CHM: variants seen among roughly 807,000 people sequenced by gnomAD.
The protein encoded by CHM is CHM Rab escort protein.
In CHM, 10 loss-of-function variants were observed where a neutral mutation model predicts 49.0. The ratio of observed to expected loss-of-function variants is 0.20; its 90% CI spans 0.13 to 0.35. CHM has a LOEUF of 0.35. Ranked by LOEUF, CHM falls within the 10% of genes least tolerant of loss-of-function variation. The pLI is 1.00. For missense variants in CHM, 455 were observed against 478.4 expected (o/e 0.95, Z 0.46); for synonymous variants, 184 against 167.5 (o/e 1.10, Z -0.76).
chrX:85,970,953 G>C, intron 4 of CHM: 1 of 714,808 alleles, frequency 1.4e-6, no homozygotes, highest in Non-Finnish European at 1.7e-6. Flanking sequence ...AGCCTGTTTT[G>C]CAATACCCAA....
At chrX:86,022,660 C>T (rs763531552) in intron 2 of CHM, among the ~76,000 whole-genome samples, 1 of 111,071 alleles carries the variant, frequency 9.0e-6, no homozygotes, top group South Asian at 3.8e-4. Context: ...TTTTAACAGC[C>T]ATTTATTCAC....
At chrX:85,930,563 G>A (rs1928367548) in intron 8 of CHM, among the ~76,000 whole-genome samples, 1 of 112,068 alleles carries the variant, frequency 8.9e-6, no homozygotes, top group African/African-American at 3.2e-5. Flanking sequence ...CTTGCAAAAA[G>A]TAGCATATAA....
chrX:85,863,459 C>T lies in CHM; in HGVS notation c.*1171G>A, dbSNP rs1465145647. The T allele has an allele frequency of 4.5e-5, 5 of 111,338 alleles. No homozygotes were observed. Among genetic ancestry groups the T allele is most frequent in the Non-Finnish European group, 9.4e-5 (5 of 53,081 alleles). The allele number at this position is 111,338 out of a possible 1,213,427, so 9.2% of individuals were successfully genotyped here. A position where few individuals can be genotyped will look rare whatever the true frequency, so the allele number is the denominator to read the frequency against. On this transcript the variant is annotated 3_prime_UTR_variant, in exon 15 of 15. Transcript: ENST00000357749. ...TCCTTGGTGGTTGCAGGTTTACCTA[C>T]CAGAAAAGGAATAAAACAATTTATA...
rs184164318 is a variant in CHM, at chrX:85,938,231, A to G, written c.1166+17922T>C. 5.4e-5 allele frequency among the ~76,000 whole-genome samples: 6 copies of G among 112,132 alleles called. No individual in the cohort carries two copies. In the East Asian group the frequency reaches 1.7e-3, roughly 32 times the overall value. On this transcript the variant is annotated intron_variant, in intron 8 of 14. Coordinates refer to ENST00000357749, the MANE Select transcript of CHM (RefSeq NM_000390.4). The stretch of plus-strand genomic sequence containing the variant: ...TCACCACCCCCTTCTGTTTATCCCA[A>G]GAAACACTCTTTCCTCAAGGGAAAA...
At position 85,900,740 on chromosome X, in the gene CHM, T is replaced by A. The variant is rs759711257; in HGVS notation, c.1350-31A>T. ...ATGCACAAAACAGTGAAGCAGTAAT[T>A]CTGATTCCATGGATAAGTTTCGTTT... On this transcript the variant is annotated intron_variant, in intron 10 of 14. Coordinates refer to ENST00000357749, the MANE Select transcript of CHM (RefSeq NM_000390.4). 3.9e-6 allele frequency: 4 copies of A among 1,030,126 alleles called. No individual in the cohort carries two copies. In the African/African-American group the frequency reaches 7.5e-5, roughly 19 times the overall value. 84.9% of individuals were successfully genotyped at this position (1,030,126 alleles called of 1,213,427 possible).
intron 12 of CHM, among the ~76,000 whole-genome samples, chrX:85,893,142 T>C (rs1319322010): frequency 1.8e-5 from 2 of 111,705 alleles, no homozygotes; most frequent in Non-Finnish European, 3.8e-5. Flanking sequence ...TAATAAATAG[T>C]CTTGTTCCAT....
intron 12 of CHM, among the ~76,000 whole-genome samples, chrX:85,886,848 A>G (rs1390068710): frequency 9.2e-6 from 1 of 109,245 alleles, no homozygotes; most frequent in Admixed American, 1.0e-4. Flanking sequence ...AGCTTTAATA[A>G]GAACAAGTGA....
intron 2 of CHM, among the ~76,000 whole-genome samples, chrX:85,986,960 G>GA (rs1003391667): frequency 0.046 from 4,655 of 100,992 alleles, 233 homozygotes; most frequent in African/African-American, 0.13. Context: ...GAAACAGCTG[G>GA]AAAAAAAAAA....
intron 2 of CHM, among the ~76,000 whole-genome samples, chrX:85,999,690 C>T (rs1310023339): frequency 3.6e-5 from 4 of 111,927 alleles, no homozygotes; most frequent in African/African-American, 9.7e-5. Flanking sequence ...TTAAATTTCA[C>T]GTGTCCGCAG....
intron 2 of CHM, among the ~76,000 whole-genome samples, chrX:85,982,253 T>TCCA (rs368608174): frequency 2.4e-4 from 25 of 102,797 alleles, no homozygotes; most frequent in African/African-American, 8.6e-4. Flanking sequence ...CTCCGCCACC[T>TCCA]CCACCACCAC....
At chrX:85,942,161 A>G (rs1489935008) in intron 8 of CHM, among the ~76,000 whole-genome samples, 6 of 110,442 alleles carry the variant, frequency 5.4e-5, no homozygotes. Context: ...TTTCTGTCCC[A>G]TATGACTAAG....
At chrX:85,970,414 A>C (rs1930831800) in intron 4 of CHM, 1 of 751,943 alleles carries the variant, frequency 1.3e-6, no homozygotes, top group African/African-American at 2.3e-5. Context: ...GTCTTCACAA[A>C]GGAAATACTT....
chrX:85,989,528 A>G (rs1051889367), intron 2 of CHM, among the ~76,000 whole-genome samples: 7 of 112,333 alleles, frequency 6.2e-5, no homozygotes, highest in Non-Finnish European at 1.1e-4. Flanking sequence ...GAGTTTCTGC[A>G]CAGCAAAAGA....
intron 7 of CHM, 65 bp downstream of exon 7, chrX:85,957,790 G>A: frequency 1.7e-6 from 2 of 1,166,257 alleles, no homozygotes; most frequent in Non-Finnish European, 2.3e-6. Context: ...CTAAATCAGA[G>A]CAAGCATATT....
At chrX:85,898,285 T>C in intron 11 of CHM, among the ~76,000 whole-genome samples, 1 of 111,437 alleles carries the variant, frequency 9.0e-6, no homozygotes, top group Non-Finnish European at 1.9e-5. Flanking sequence ...ATGTAACCCA[T>C]AAGATGTGAA....
chrX:86,028,862 C>T (rs183651623), intron 1 of CHM, among the ~76,000 whole-genome samples: 99 of 111,061 alleles, frequency 8.9e-4, no homozygotes, highest in African/African-American at 3.1e-3. Context: ...GAAAAAAAAA[C>T]AGCACCAGTC....
At chrX:86,021,033 CATATATATACACATATATACACACAT>C (rs1933535762) in intron 2 of CHM, among the ~76,000 whole-genome samples, 1 of 96,056 alleles carries the variant, frequency 1.0e-5, no homozygotes, top group African/African-American at 3.8e-5. Flanking sequence ...TATACACACA[CATATATATACACATATATACACACAT>C]ATATATACAC....
intron 9 of CHM, among the ~76,000 whole-genome samples, chrX:85,906,021 C>A (rs1228262456): frequency 8.9e-6 from 1 of 111,856 alleles, no homozygotes; most frequent in Non-Finnish European, 1.9e-5. Flanking sequence ...TTCCTTAGAA[C>A]AAAGACCCTG....
intron 2 of CHM, among the ~76,000 whole-genome samples, chrX:85,997,009 G>T (rs929568876): frequency 8.9e-6 from 1 of 111,852 alleles, no homozygotes; most frequent in African/African-American, 3.3e-5. Context: ...GCCCTCAAAA[G>T]CATCTTTGGA....
Sources: allele counts gnomAD v4.1 joint callset (sites outside exome capture counted in the v4.1 genomes callset), GRCh38; gene constraint gnomAD v4.1.1; transcripts MANE v1.5; gene names NCBI Gene and HGNC (gene_info 2026-07-23, HGNC 2026-07-21).